The following TBX18 variants were observed in gnomAD, a reference collection of about 807,000 sequenced individuals.
The protein encoded by TBX18 is T-box transcription factor 18, also known as T-box transcription factor TBX18.
In TBX18, 21 loss-of-function variants were observed where a neutral mutation model predicts 55.0. That is an observed-to-expected ratio of 0.38 (90% CI 0.27 to 0.55). The LOEUF (loss-of-function observed/expected upper bound fraction) is 0.55. Among genes scored for constraint, TBX18 ranks in the 20% least tolerant of loss-of-function variants. The pLI is 0.73. For missense variants in TBX18, 840 were observed against 799.6 expected, an observed-to-expected ratio of 1.05 and a Z score of -0.61; for synonymous variants, 342 against 326.1, an observed-to-expected ratio of 1.05 and a Z score of -0.53.
chr6:84,742,085 A>G (rs1389379781), intron 6 of TBX18: 1 of 152,326 alleles, frequency 6.6e-6, no homozygotes, highest in East Asian at 1.9e-4. Context: ...CAAGGAAAAA[A>G]GTTGAAACTG....
chr6:84,746,946 C>T (rs1338173966), intron 5 of TBX18, among the ~76,000 whole-genome samples: 1 of 151,600 alleles, frequency 6.6e-6, no homozygotes, highest in Non-Finnish European at 1.5e-5. Context: ...AAAAGAGTGG[C>T]AACATGAGTG....
At position 84,762,636 on chromosome 6, in the gene TBX18, C is replaced by T. The variant is rs750649327; in HGVS notation, c.405G>A (p.Ser135=). 6.2e-7 allele frequency: 1 copy of T among 1,611,522 alleles called. No homozygotes were observed. Among genetic ancestry groups the T allele is most frequent in the South Asian group, 1.1e-5 (1 of 90,836 alleles). Reference sequence around the variant, plus strand: ...GCAGATCCACCCGCGGGGCCTGCGGCGAGGGCAGAGGGGTCCCGGGCCGGG... The same window carrying T: ...GCAGATCCACCCGCGGGGCCTGCGGTGAGGGCAGAGGGGTCCCGGGCCGGG... ...SLARPGTPLP[S]PQAPRVDLQG... Residue 135 remains serine (S), a synonymous_variant, in exon 2 of 8, where the codon TCG becomes TCA. Transcript: ENST00000369663.
chr6:84,737,781 C>A (rs1389064004), intron 7 of TBX18, among the ~76,000 whole-genome samples: 1 of 152,128 alleles, frequency 6.6e-6, no homozygotes, highest in African/African-American at 2.4e-5. Context: ...TTCCAAAGGG[C>A]TGGACAGGTT....
chr6:84,764,306 C>G lies in TBX18; in HGVS notation c.-125G>C. On this transcript the variant is annotated 5_prime_UTR_variant, in exon 1 of 8. Coordinates refer to ENST00000369663, the MANE Select transcript of TBX18 (RefSeq NM_001080508.3). ...GGCCTCCCGAGATCTGCCCCCTTCC[C>G]CACCGCGGGCAAAAAACAGATTTGG... 1 of 1,258,824 alleles carries G rather than the reference C, an allele frequency of 7.9e-7. No homozygotes were observed. Among genetic ancestry groups the G allele is most frequent in the East Asian group, 3.1e-5 (1 of 32,140 alleles). 78.0% of individuals were successfully genotyped at this position (1,258,824 alleles called of 1,614,324 possible). A position where few individuals can be genotyped will look rare whatever the true frequency, so the allele number is the denominator to read the frequency against.
intron 5 of TBX18, among the ~76,000 whole-genome samples, chr6:84,747,267 T>G (rs1767222025): frequency 6.6e-6 from 1 of 152,132 alleles, no homozygotes. Flanking sequence ...AATTCCAGCA[T>G]GGATTACATA....
At chr6:84,737,706 C>T (rs1470060401) in intron 7 of TBX18, among the ~76,000 whole-genome samples, 1 of 152,146 alleles carries the variant, frequency 6.6e-6, no homozygotes, top group African/African-American at 2.4e-5. Context: ...AGTGATGGTG[C>T]CCCCTCTGGA....
Position 84,764,276 on chromosome 6 carries a change from CT to C in TBX18, c.-96del. 7.4e-7 allele frequency: 1 copy of C among 1,353,398 alleles called. No homozygotes were observed. The highest frequency in any genetic ancestry group is 9.5e-7 in the Non-Finnish European group (1 of 1,056,390). 83.8% of individuals were successfully genotyped at this position (1,353,398 alleles called of 1,614,324 possible). On this transcript the variant is annotated 5_prime_UTR_variant, in exon 1 of 8. Transcript: ENST00000369663. ...TTCCCCCACCAAAAACTAAAAGGCT[CT>C]CGGGGCCTCCCGAGATCTGCCCCCT...
At position 84,733,049 on chromosome 6, in the gene TBX18, A is replaced by G. The variant is rs570918066; in HGVS notation, c.*3636T>C. On this transcript the variant is annotated 3_prime_UTR_variant, in exon 8 of 8. Coordinates refer to ENST00000369663, the MANE Select transcript of TBX18 (RefSeq NM_001080508.3). The stretch of plus-strand genomic sequence containing the variant: ...ACCCAAAATCATGATTGAGAAATCC[A>G]TAGTCTCAAACTAAGTTCTCTAATT... The G allele has an allele frequency of 7.1e-4, 108 of 152,282 alleles. 1 individual carries two copies. The highest frequency in any genetic ancestry group is 2.4e-3 in the African/African-American group (99 of 41,570). The allele number at this position is 152,282 out of a possible 1,614,324, so 9.4% of individuals were successfully genotyped here.
intron 4 of TBX18, among the ~76,000 whole-genome samples, chr6:84,755,419 C>T (rs986422365): frequency 2.0e-5 from 3 of 152,138 alleles, no homozygotes; most frequent in African/African-American, 7.2e-5. Flanking sequence ...AAAAAAAGTC[C>T]TTCAATGAAT....
intron 4 of TBX18, among the ~76,000 whole-genome samples, chr6:84,755,177 TTAGA>T (rs1329478201): frequency 2.6e-5 from 4 of 152,140 alleles, no homozygotes; most frequent in Non-Finnish European, 4.4e-5. Context: ...ACATTAGATA[TTAGA>T]TAGAAAACCA....
intron 5 of TBX18, among the ~76,000 whole-genome samples, chr6:84,747,300 CCTAA>C (rs1767222659): frequency 6.6e-6 from 1 of 152,118 alleles, no homozygotes; most frequent in African/African-American, 2.4e-5. Context: ...CAATTCTCTA[CCTAA>C]CTGACACATA....
intron 1 of TBX18, chr6:84,763,604 T>G (rs746565232): frequency 3.9e-5 from 25 of 645,820 alleles, no homozygotes; most frequent in Non-Finnish European, 5.2e-5. Flanking sequence ...GGGAGGCAGA[T>G]GCAGGAAGCA....
chr6:84,760,285 T>C lies in TBX18; in HGVS notation c.569A>G (p.Asp190Gly). 4.4e-6 allele frequency: 7 copies of C among 1,607,574 alleles called. No individual in the cohort carries two copies. Among genetic ancestry groups the C allele is most frequent in the East Asian group, 2.2e-5 (1 of 44,796 alleles). ...DPHQQYYIAM[D>G]IVPVDNKRYR... ...TCTTTTGTTGTCCACTGGTACAATA[T>C]CCATGGCAATGTAATATTGCTGGTG... is the stretch of plus-strand genomic sequence containing the variant. The change falls in exon 3 of 8, where the codon GAT (aspartate) becomes GGT (glycine). Residue 190 changes from aspartate to glycine, a missense_variant. Transcript: ENST00000369663.
chr6:84,763,362 G>T (rs1352359426), intron 1 of TBX18: 1 of 457,258 alleles, frequency 2.2e-6, no homozygotes, highest in Non-Finnish European at 4.4e-6. Context: ...AAGCAAGCCC[G>T]CGGTCGCCGT....
chr6:84,742,283 G>GT (rs1172099080), intron 6 of TBX18: 1 of 152,096 alleles, frequency 6.6e-6, no homozygotes, highest in Admixed American at 6.6e-5. Flanking sequence ...GGAAGAAATA[G>GT]TAACAAGCAC....
At chr6:84,757,157 T>G (rs1239688318) in intron 3 of TBX18, among the ~76,000 whole-genome samples, 1 of 152,218 alleles carries the variant, frequency 6.6e-6, no homozygotes, top group Non-Finnish European at 1.5e-5. Context: ...TTATTCACCC[T>G]AGACATTCCA....
At chr6:84,763,770 T>C in intron 1 of TBX18, 120 bp downstream of exon 1, 1 of 1,415,462 alleles carries the variant, frequency 7.1e-7, no homozygotes, top group Non-Finnish European at 9.2e-7. Flanking sequence ...ACACGGCCAA[T>C]GCGCTAGTGG....
rs1330513306 is a variant in TBX18, at chr6:84,756,704, T to A, written c.765A>T (p.Gln255His). The A allele has an allele frequency of 6.2e-7, 1 of 1,613,932 alleles. No individual in the cohort carries two copies. The highest frequency in any genetic ancestry group is 1.1e-5 in the South Asian group (1 of 91,050). ...LKLTNNELDDQGHIILHSMHK... is the reference protein window; with the variant it reads ...LKLTNNELDDHGHIILHSMHK... Reference sequence around the variant, plus strand: ...AGAGAGGCCATCTACTCACATGGCCTTGGTCATCCAGTTCATTGTTGGTGA... The same window carrying A: ...AGAGAGGCCATCTACTCACATGGCCATGGTCATCCAGTTCATTGTTGGTGA... Residue 255 changes from glutamine (Q) to histidine (H), a missense_variant, in exon 4 of 8, where the codon CAA (glutamine) becomes CAT (histidine). Transcript: ENST00000369663.
chr6:84,756,327 T>C (rs1287759537), intron 4 of TBX18, among the ~76,000 whole-genome samples: 1 of 152,232 alleles, frequency 6.6e-6, no homozygotes, highest in Non-Finnish European at 1.5e-5. Flanking sequence ...CTGACAAAGC[T>C]GGATGCAGGC....
Sources: allele counts gnomAD v4.1 joint callset (sites outside exome capture counted in the v4.1 genomes callset), GRCh38; gene constraint gnomAD v4.1.1; transcripts MANE v1.5; gene names NCBI Gene and HGNC (gene_info 2026-07-23, HGNC 2026-07-21).